Variants in CNTNAP2 observed in about 807,000 individuals in gnomAD.
CNTNAP2 encodes the protein contactin associated protein 2, also known as contactin-associated protein-like 2.
A neutral mutation model predicts 155.2 loss-of-function variants in CNTNAP2; 98 were observed. That is an observed-to-expected ratio of 0.63 (90% CI 0.54 to 0.75). The LOEUF is 0.75. Among genes scored for constraint, CNTNAP2 ranks in the 30% least tolerant of loss-of-function variants. CNTNAP2 has a pLI of 0.00. For synonymous variants in CNTNAP2, 651 were observed against 631.2 expected (o/e 1.03, Z -0.47); for missense variants, 1,727 against 1,688.1 (o/e 1.02, Z -0.40).
chr7:147,099,837 T>G (rs1800619158), intron 4 of CNTNAP2, among the ~76,000 whole-genome samples: 2 of 152,170 alleles, frequency 1.3e-5, no homozygotes, highest in South Asian at 4.1e-4. Flanking sequence ...AAAACTAGAT[T>G]TTGTGTGGTC....
At chr7:146,269,451 C>T (rs536724342) in intron 1 of CNTNAP2, among the ~76,000 whole-genome samples, 1 of 152,226 alleles carries the variant, frequency 6.6e-6, no homozygotes, top group South Asian at 2.1e-4. Context: ...GGCATTGGTA[C>T]CACCTATTGA....
chr7:146,991,425 C>A (rs1362341810), intron 3 of CNTNAP2, among the ~76,000 whole-genome samples: 1 of 152,038 alleles, frequency 6.6e-6, no homozygotes, highest in Non-Finnish European at 1.5e-5. Flanking sequence ...CAGGACCAAC[C>A]CATGTGGTAA....
intron 8 of CNTNAP2, among the ~76,000 whole-genome samples, chr7:147,164,682 A>C (rs1469367793): frequency 6.6e-6 from 1 of 152,206 alleles, no homozygotes; most frequent in Non-Finnish European, 1.5e-5. Flanking sequence ...AAGAGGGATT[A>C]AGAGGTTAGT....
At chr7:148,062,214 A>G (rs868567141) in intron 15 of CNTNAP2, among the ~76,000 whole-genome samples, 7 of 152,028 alleles carry the variant, frequency 4.6e-5, no homozygotes, top group Non-Finnish European at 1.0e-4. Flanking sequence ...ATGAAAAGAG[A>G]CATAATATGC....
At chr7:147,872,205 T>C (rs1224004430) in intron 13 of CNTNAP2, among the ~76,000 whole-genome samples, 1 of 152,230 alleles carries the variant, frequency 6.6e-6, no homozygotes. Context: ...TCTGATGTTA[T>C]CATACCACAG....
chr7:148,129,428 A>G (rs1474334475), intron 16 of CNTNAP2, among the ~76,000 whole-genome samples: 2 of 152,132 alleles, frequency 1.3e-5, no homozygotes, highest in Non-Finnish European at 2.9e-5. Context: ...GATGTCAACT[A>G]GGAGGGGGTG....
chr7:147,265,426 C>T (rs1804584993), intron 8 of CNTNAP2, among the ~76,000 whole-genome samples: 1 of 152,122 alleles, frequency 6.6e-6, no homozygotes, highest in South Asian at 2.1e-4. Context: ...CAGACTCTGA[C>T]CCATCCCTCC....
At chr7:147,506,386 G>A (rs1161504004) in intron 11 of CNTNAP2, among the ~76,000 whole-genome samples, 1 of 152,142 alleles carries the variant, frequency 6.6e-6, no homozygotes, top group Admixed American at 6.5e-5. Context: ...CTCCTGAGTA[G>A]CTGGGATTAC....
intron 13 of CNTNAP2, among the ~76,000 whole-genome samples, chr7:147,855,978 ACT>A (rs1293000871): frequency 6.6e-6 from 1 of 151,994 alleles, no homozygotes; most frequent in Non-Finnish European, 1.5e-5. Flanking sequence ...CCCAGTCTAA[ACT>A]CCCTGGGAGA....
At chr7:148,196,603 C>T (rs1291576930) in intron 18 of CNTNAP2, among the ~76,000 whole-genome samples, 1 of 152,116 alleles carries the variant, frequency 6.6e-6, no homozygotes, top group Non-Finnish European at 1.5e-5. Flanking sequence ...ACACAAGAAT[C>T]CAATAAGGGA....
Position 146,982,389 on chromosome 7 carries a change from G to A in CNTNAP2, c.403-61518G>A, listed in dbSNP as rs1054312597. On this transcript the variant is annotated intron_variant, in intron 3 of 23. Coordinates refer to ENST00000361727, the MANE Select transcript of CNTNAP2 (RefSeq NM_014141.6). ...CCCATTCTTTGTGTTTTTTTGAGAA[G>A]TTTTTGTTGTTACTTACACGAATGA... 5.3e-5 allele frequency among the ~76,000 whole-genome samples: 8 copies of A among 151,970 alleles called. No homozygotes were observed. In the East Asian group the frequency reaches 7.7e-4, roughly 15 times the overall value.
At chr7:146,984,367 C>CAAA (rs34062629) in intron 3 of CNTNAP2, among the ~76,000 whole-genome samples, 2 of 94,068 alleles carry the variant, frequency 2.1e-5, no homozygotes, top group African/African-American at 8.0e-5. Flanking sequence ...AACCCCATCT[C>CAAA]AAAAAAAAAA....
chr7:147,996,316 T>C (rs1238322301), intron 15 of CNTNAP2, among the ~76,000 whole-genome samples: 3 of 152,232 alleles, frequency 2.0e-5, no homozygotes, highest in Non-Finnish European at 4.4e-5. Flanking sequence ...CTTATCAACA[T>C]GCAGATTCCC....
intron 8 of CNTNAP2, among the ~76,000 whole-genome samples, chr7:147,165,955 A>G (rs745496898): frequency 5.9e-5 from 9 of 152,218 alleles, no homozygotes; most frequent in Non-Finnish European, 1.0e-4. Context: ...TACAACCACT[A>G]TGGAAAACAG....
chr7:147,742,510 T>C (rs954113), intron 13 of CNTNAP2, among the ~76,000 whole-genome samples: 1,673 of 152,346 alleles, frequency 0.011, 96 homozygotes, highest in Admixed American at 0.087. Flanking sequence ...ATATGTTGTC[T>C]GCATATGTAC....
At chr7:148,259,538 C>T (rs1796518486) in intron 20 of CNTNAP2, among the ~76,000 whole-genome samples, 2 of 152,140 alleles carry the variant, frequency 1.3e-5, no homozygotes, top group Admixed American at 1.3e-4. Flanking sequence ...AAATCCTAGG[C>T]CTTTGTCTAG....
chr7:147,976,562 A>G (rs751289778), intron 14 of CNTNAP2, among the ~76,000 whole-genome samples: 53 of 152,242 alleles, frequency 3.5e-4, no homozygotes, highest in Non-Finnish European at 6.0e-4. Context: ...TTTGAAAACA[A>G]TGAAATAACT....
intron 9 of CNTNAP2, among the ~76,000 whole-genome samples, chr7:147,384,914 A>G (rs894592982): frequency 3.3e-5 from 5 of 152,236 alleles, no homozygotes; most frequent in Admixed American, 2.6e-4. Flanking sequence ...CACACTGCTG[A>G]TAAAGACATA....
chr7:147,893,246 CTTAA>C (rs1563126194), intron 13 of CNTNAP2, among the ~76,000 whole-genome samples: 1 of 151,842 alleles, frequency 6.6e-6, no homozygotes, highest in Non-Finnish European at 1.5e-5. Flanking sequence ...TTTTAAAGTT[CTTAA>C]TTTAAATAGT....
Sources: gnomAD v4.1 joint callset for allele counts (sites outside exome capture counted in the v4.1 genomes callset) on GRCh38, gnomAD v4.1.1 for gene constraint, MANE v1.5 for transcripts, NCBI Gene and HGNC (gene_info 2026-07-23, HGNC 2026-07-21) for gene names.